CCDC102B: variants seen among roughly 807,000 people sequenced by gnomAD.
CCDC102B encodes the protein coiled-coil domain-containing protein 102B.
A neutral mutation model predicts 57.4 loss-of-function variants in CCDC102B; 75 were observed. The observed-to-expected ratio is 1.31, with a 90% CI of 1.08 to 1.58. CCDC102B has a LOEUF of 1.58. Among genes scored for constraint, CCDC102B ranks in the 40% most tolerant of loss-of-function variants. The pLI is 0.00. For missense variants in CCDC102B, 636 were observed against 582.6 expected, an observed-to-expected ratio of 1.09 and a Z score of -0.94; for synonymous variants, 206 against 201.9, an observed-to-expected ratio of 1.02 and a Z score of -0.17.
chr18:69,032,116 A>G (rs1445150838), intron 7 of CCDC102B, among the ~76,000 whole-genome samples: 1 of 152,098 alleles, frequency 6.6e-6, no homozygotes. Context: ...TGTCAATTCC[A>G]TTTCTCTCAT....
At chr18:68,930,810 A>G (rs986741119) in intron 6 of CCDC102B, among the ~76,000 whole-genome samples, 1 of 151,936 alleles carries the variant, frequency 6.6e-6, no homozygotes, top group Non-Finnish European at 1.5e-5. Context: ...TTACTTAAGG[A>G]TATTATAGTA....
At chr18:68,966,987 A>G (rs1421750548) in intron 6 of CCDC102B, among the ~76,000 whole-genome samples, 1 of 152,144 alleles carries the variant, frequency 6.6e-6, no homozygotes, top group African/African-American at 2.4e-5. Context: ...TGATTGTTCA[A>G]TAGTTGCTGT....
At chr18:68,995,812 A>G (rs890429699) in intron 6 of CCDC102B, among the ~76,000 whole-genome samples, 2 of 152,162 alleles carry the variant, frequency 1.3e-5, no homozygotes, top group African/African-American at 4.8e-5. Context: ...ACCATCCTCC[A>G]GACCCCAGAA....
chr18:68,986,327 G>T (rs1445386569), intron 6 of CCDC102B, among the ~76,000 whole-genome samples: 1 of 152,164 alleles, frequency 6.6e-6, no homozygotes, highest in Non-Finnish European at 1.5e-5. Context: ...TGGGATGCAA[G>T]TCGGGTTCAA....
At chr18:68,995,379 C>G (rs1204333748) in intron 6 of CCDC102B, among the ~76,000 whole-genome samples, 2 of 152,146 alleles carry the variant, frequency 1.3e-5, no homozygotes, top group Non-Finnish European at 2.9e-5. Flanking sequence ...CAGAGACCTT[C>G]AAAGCAGCCC....
intron 6 of CCDC102B, among the ~76,000 whole-genome samples, chr18:68,925,128 C>T (rs1381430038): frequency 1.3e-5 from 2 of 152,002 alleles, no homozygotes; most frequent in Non-Finnish European, 2.9e-5. Context: ...AGCATTCTAC[C>T]AGGTCTTCCT....
chr18:68,948,931 C>T (rs2049616222), intron 6 of CCDC102B, among the ~76,000 whole-genome samples: 1 of 152,064 alleles, frequency 6.6e-6, no homozygotes, highest in Non-Finnish European at 1.5e-5. Context: ...TACACGATCA[C>T]AAGGTCCCAC....
At chr18:68,925,375 C>T (rs1173649467) in intron 6 of CCDC102B, among the ~76,000 whole-genome samples, 1 of 151,904 alleles carries the variant, frequency 6.6e-6, no homozygotes, top group African/African-American at 2.4e-5. Context: ...TTCAAATATA[C>T]AGACGGGGCT....
At chr18:68,976,698 T>A (rs950001800) in intron 6 of CCDC102B, among the ~76,000 whole-genome samples, 8 of 152,176 alleles carry the variant, frequency 5.3e-5, no homozygotes, top group Non-Finnish European at 1.0e-4. Context: ...AAACCCATCA[T>A]ATGTCTATTT....
At chr18:68,737,647 AG>A (rs1347935415) in intron 2 of CCDC102B, among the ~76,000 whole-genome samples, 1 of 152,156 alleles carries the variant, frequency 6.6e-6, no homozygotes, top group African/African-American at 2.4e-5. Context: ...CCACAATGCT[AG>A]TAACAAAAGA....
At chr18:69,020,834 A>T (rs1487669093) in intron 7 of CCDC102B, among the ~76,000 whole-genome samples, 1 of 152,200 alleles carries the variant, frequency 6.6e-6, no homozygotes, top group Non-Finnish European at 1.5e-5. Flanking sequence ...ATCATGGTTT[A>T]TATCTGTTAA....
intron 1 of CCDC102B, among the ~76,000 whole-genome samples, chr18:68,808,899 A>T (rs866340788): frequency 9.2e-5 from 14 of 152,224 alleles, no homozygotes; most frequent in South Asian, 2.1e-4. Context: ...TAGATACAAG[A>T]TGAATTTTAC....
At chr18:68,910,758 T>C (rs968651302) in intron 6 of CCDC102B, among the ~76,000 whole-genome samples, 1 of 152,214 alleles carries the variant, frequency 6.6e-6, no homozygotes, top group African/African-American at 2.4e-5. Context: ...TTATATTGTT[T>C]TCAGTGCTGT....
chr18:69,021,747 C>A (rs767573494), intron 7 of CCDC102B, among the ~76,000 whole-genome samples: 1 of 152,146 alleles, frequency 6.6e-6, no homozygotes, highest in Non-Finnish European at 1.5e-5. Context: ...TGGGCAAGGA[C>A]GGTAGCAGCC....
intron 7 of CCDC102B, among the ~76,000 whole-genome samples, chr18:69,042,003 A>T (rs958086245): frequency 6.6e-6 from 1 of 151,974 alleles, no homozygotes; most frequent in Non-Finnish European, 1.5e-5. Flanking sequence ...GAATGTCAGA[A>T]CTAAGGCAGC....
intron 6 of CCDC102B, among the ~76,000 whole-genome samples, chr18:68,911,518 C>A (rs372394813): frequency 2.0e-5 from 3 of 148,206 alleles, no homozygotes; most frequent in Non-Finnish European, 3.0e-5. Context: ...TTTGGGAGGC[C>A]GAGGCGGGCG....
intron 6 of CCDC102B, among the ~76,000 whole-genome samples, chr18:68,986,844 A>C (rs1465679628): frequency 4.6e-5 from 7 of 152,190 alleles, no homozygotes; most frequent in Admixed American, 1.3e-4. Context: ...AAACTGAAAT[A>C]CCTATGAAGA....
chr18:69,034,873 G>A (rs2052246267), intron 7 of CCDC102B, among the ~76,000 whole-genome samples: 1 of 151,594 alleles, frequency 6.6e-6, no homozygotes, highest in Non-Finnish European at 1.5e-5. Flanking sequence ...TCAAAATATT[G>A]AGAATATAGC....
intron 4 of CCDC102B, among the ~76,000 whole-genome samples, chr18:68,861,856 T>G (rs7230639): frequency 0.33 from 49,653 of 152,014 alleles, 9,263 homozygotes; most frequent in East Asian, 0.62. Context: ...TGATTCATTA[T>G]CTGAAGGTGT....
Sources: allele counts gnomAD v4.1 joint callset (sites outside exome capture counted in the v4.1 genomes callset), GRCh38; gene constraint gnomAD v4.1.1; transcripts MANE v1.5; gene names NCBI Gene and HGNC (gene_info 2026-07-23, HGNC 2026-07-21).